The following NFATC2 variants were observed in gnomAD, a reference collection of about 807,000 sequenced individuals.
NFATC2 encodes nuclear factor of activated T cells 2.
Under a neutral mutation model 87.3 loss-of-function variants are expected in NFATC2, and 22 were observed. The observed-to-expected ratio is 0.25, with a 90% CI of 0.18 to 0.36. NFATC2 has a LOEUF of 0.36. Ranked by LOEUF, NFATC2 falls within the 10% of genes least tolerant of loss-of-function variation. The pLI, the probability that NFATC2 is intolerant of heterozygous loss-of-function variation, is 1.00. For synonymous variants in NFATC2, 565 were observed against 542.2 expected (o/e 1.04, Z -0.58); for missense variants, 1,149 against 1,259.1 (o/e 0.91, Z 1.32).
intron 10 of NFATC2, among the ~76,000 whole-genome samples, chr20:51,397,457 AGGCCTGAGCCGCT>A (rs1987339419): frequency 6.6e-6 from 1 of 152,246 alleles, no homozygotes; most frequent in Admixed American, 6.5e-5. Flanking sequence ...AGTCAGCCAC[AGGCCTGAGCCGCT>A]GGCTTGCCAA....
chr20:51,427,327 G>A (rs370869780), intron 9 of NFATC2, among the ~76,000 whole-genome samples: 72 of 152,224 alleles, frequency 4.7e-4, no homozygotes, highest in African/African-American at 1.6e-3. Flanking sequence ...CGCCTCTCCC[G>A]CTTGCTTGCG....
chr20:51,510,760 T>G (rs2076260544), intron 3 of NFATC2, among the ~76,000 whole-genome samples: 1 of 152,220 alleles, frequency 6.6e-6, no homozygotes, highest in Non-Finnish European at 1.5e-5. Context: ...TAGCTGGGAT[T>G]ACAGGTGTGA....
intron 1 of NFATC2, among the ~76,000 whole-genome samples, chr20:51,527,480 C>A (rs1261056838): frequency 5.3e-5 from 8 of 152,154 alleles, no homozygotes; most frequent in African/African-American, 1.9e-4. Flanking sequence ...TTTCCCTCGA[C>A]CTCCAGTCTG....
intron 5 of NFATC2, among the ~76,000 whole-genome samples, chr20:51,457,825 C>T (rs888834157): frequency 6.6e-6 from 1 of 151,792 alleles, no homozygotes; most frequent in Non-Finnish European, 1.5e-5. Flanking sequence ...CTCTGTTCAG[C>T]CCTGGCCAAT....
chr20:51,508,289 C>A (rs891239343), intron 3 of NFATC2, among the ~76,000 whole-genome samples: 5 of 152,096 alleles, frequency 3.3e-5, no homozygotes, highest in Non-Finnish European at 7.4e-5. Context: ...CCAGCCCCGA[C>A]CCTGGCGCAC....
chr20:51,503,378 G>A (rs975893060), intron 3 of NFATC2, among the ~76,000 whole-genome samples: 9 of 152,134 alleles, frequency 5.9e-5, no homozygotes, highest in Non-Finnish European at 1.2e-4. Context: ...TTGCTTCTTC[G>A]GCAAATTGAA....
At chr20:51,451,416 G>A (rs550007921) in intron 6 of NFATC2, among the ~76,000 whole-genome samples, 1 of 152,314 alleles carries the variant, frequency 6.6e-6, no homozygotes, top group Admixed American at 6.5e-5. Context: ...GACATTTTTG[G>A]TTGTCACAAC....
intron 9 of NFATC2, among the ~76,000 whole-genome samples, chr20:51,411,490 G>T (rs1190992527): frequency 1.4e-5 from 2 of 146,664 alleles, no homozygotes. Context: ...AAACCATAGT[G>T]CAAGGTCCTG....
At chr20:51,469,463 G>C (rs971028325) in intron 5 of NFATC2, among the ~76,000 whole-genome samples, 55 of 152,240 alleles carry the variant, frequency 3.6e-4, no homozygotes, top group African/African-American at 1.2e-3. Flanking sequence ...CAGACAGGAA[G>C]GGAAGCCAAC....
At chr20:51,428,840 C>T (rs1274316505) in intron 9 of NFATC2, among the ~76,000 whole-genome samples, 2 of 152,226 alleles carry the variant, frequency 1.3e-5, no homozygotes, top group African/African-American at 2.4e-5. Context: ...TTGGCAAAAT[C>T]CCAAGGGAAA....
At chr20:51,473,364 G>C (rs767609954) in intron 5 of NFATC2, among the ~76,000 whole-genome samples, 1 of 152,020 alleles carries the variant, frequency 6.6e-6, no homozygotes, top group Non-Finnish European at 1.5e-5. Context: ...GGGCATGGGT[G>C]GGGGACAGGG....
At chr20:51,491,468 G>A (rs1296808216) in intron 3 of NFATC2, among the ~76,000 whole-genome samples, 1 of 152,182 alleles carries the variant, frequency 6.6e-6, no homozygotes, top group African/African-American at 2.4e-5. Flanking sequence ...AGTTCTCCAA[G>A]ACAGAAAGCT....
intron 8 of NFATC2, among the ~76,000 whole-genome samples, chr20:51,433,902 C>T (rs1983171851): frequency 6.6e-6 from 1 of 152,098 alleles, no homozygotes; most frequent in Admixed American, 6.6e-5. Flanking sequence ...CATCACCTCA[C>T]TCCCTGGCCC....
rs1159241011 is a variant in NFATC2 at position 51,480,974 on chromosome 20, C to G, written c.1333-5314G>C. 1.3e-5 allele frequency among the ~76,000 whole-genome samples: 2 copies of G among 152,184 alleles called. No individual in the cohort carries two copies. Among genetic ancestry groups the G allele is most frequent in the Admixed American group, 6.5e-5 (1 of 15,286 alleles). ...GCCCAGGCACTAATTGCAGTCTTCT[C>G]AGTGGGCTGGCTCAACAGTTGCCGG... On this transcript the variant is annotated intron_variant, in intron 3 of 10. Transcript: ENST00000371564. This position sits in a 1 kb window ranked among gnomAD's most constrained non-coding sequence, Gnocchi z 4.2.
intron 3 of NFATC2, among the ~76,000 whole-genome samples, chr20:51,476,695 G>A (rs1448293549): frequency 6.6e-6 from 1 of 152,154 alleles, no homozygotes; most frequent in East Asian, 1.9e-4. Flanking sequence ...TTGGCACATA[G>A]TAGGCATTCT....
chr20:51,464,649 C>T (rs916474525), intron 5 of NFATC2, among the ~76,000 whole-genome samples: 4 of 143,260 alleles, frequency 2.8e-5, no homozygotes, highest in South Asian at 2.2e-4. Context: ...TTGAAGGAGA[C>T]AATCTAGTGC....
intron 10 of NFATC2, among the ~76,000 whole-genome samples, chr20:51,397,768 C>A (rs1045054846): frequency 2.6e-5 from 4 of 152,184 alleles, no homozygotes; most frequent in Non-Finnish European, 5.9e-5. Flanking sequence ...AATCATGCTT[C>A]TCAAGCGTCA....
chr20:51,544,699 CTGT>C (rs2076875242), upstream of NFATC2, among the ~76,000 whole-genome samples: 1 of 152,180 alleles, frequency 6.6e-6, no homozygotes, highest in South Asian at 2.1e-4. Flanking sequence ...ACCTGGAGAG[CTGT>C]TAAAATTTGT....
At chr20:51,515,252 G>C (rs2076333266) in intron 3 of NFATC2, among the ~76,000 whole-genome samples, 1 of 152,196 alleles carries the variant, frequency 6.6e-6, no homozygotes, top group African/African-American at 2.4e-5. Flanking sequence ...GGCTGCTATG[G>C]GGTGGAGAGA....
Sources: gnomAD v4.1 joint callset for allele counts (sites outside exome capture counted in the v4.1 genomes callset) on GRCh38, gnomAD v4.1.1 for gene constraint, Gnocchi (gnomAD v3.1) non-coding constraint, MANE v1.5 for transcripts, NCBI Gene and HGNC (gene_info 2026-07-23, HGNC 2026-07-21) for gene names.